Variants in GRK3 observed in about 807,000 individuals in gnomAD.
GRK3 encodes adrenergic, beta, receptor kinase 2.
In GRK3, 54 loss-of-function variants were observed where a neutral mutation model predicts 95.7. The observed-to-expected ratio is 0.56, with a 90% CI of 0.45 to 0.71. The LOEUF is 0.71. Ranked by LOEUF, GRK3 falls within the 30% of genes least tolerant of loss-of-function variation. The pLI, the probability that GRK3 is intolerant of heterozygous loss-of-function variation, is 0.00. For missense variants in GRK3, 649 were observed against 851.2 expected, an observed-to-expected ratio of 0.76 and a Z score of 2.96; for synonymous variants, 281 against 290.8, an observed-to-expected ratio of 0.97 and a Z score of 0.34.
At chr22:25,633,503 G>A (rs1417414246) in intron 2 of GRK3, among the ~76,000 whole-genome samples, 1 of 151,690 alleles carries the variant, frequency 6.6e-6, no homozygotes, top group Non-Finnish European at 1.5e-5. Context: ...GTAGTTTTTA[G>A]CATACAAATC....
At chr22:25,653,970 A>G (rs1601504254) in intron 3 of GRK3, among the ~76,000 whole-genome samples, 1 of 152,324 alleles carries the variant, frequency 6.6e-6, no homozygotes, top group East Asian at 1.9e-4. Flanking sequence ...TACAGGCGTG[A>G]GCCACCGGCG....
intron 6 of GRK3, among the ~76,000 whole-genome samples, chr22:25,670,140 T>C (rs1760524951): frequency 1.3e-5 from 2 of 152,260 alleles, no homozygotes; most frequent in African/African-American, 4.8e-5. Flanking sequence ...ACTATTCCTC[T>C]GCTTTTGATT....
rs1425443629 is a variant in GRK3 at position 25,565,044 on chromosome 22, G to A, written c.4G>A (p.Ala2Thr). 6.7e-7 allele frequency: 1 copy of A among 1,491,920 alleles called. No homozygotes were observed. Among genetic ancestry groups the A allele is most frequent in the Non-Finnish European group, 8.9e-7 (1 of 1,119,058 alleles). The allele number at this position is 1,491,920 out of a possible 1,614,324, so 92.4% of individuals were successfully genotyped here. A position where few individuals can be genotyped will look rare whatever the true frequency, so the allele number is the denominator to read the frequency against. Residue 2 changes from alanine (A) to threonine (T), a missense_variant, in exon 1 of 21, where the codon GCG becomes ACG. Around this residue, in one of 3 missense-constraint regions of GRK3, gnomAD observed 206 missense variants for 231.4 expected, o/e 0.89. Coordinates refer to ENST00000324198, the MANE Select transcript of GRK3 (RefSeq NM_005160.4). Reference protein sequence around the residue: MADLEAVLADVS... With the variant: MTDLEAVLADVS... ...GCCGCCGCCAAAGCTCGCCAACATG[G>A]CGGACCTGGAGGCTGTGCTGGCCGA... is the stretch of plus-strand genomic sequence containing the variant.
At chr22:25,721,732 C>T (rs761196510) in intron 20 of GRK3, among the ~76,000 whole-genome samples, 2 of 152,078 alleles carry the variant, frequency 1.3e-5, no homozygotes, top group South Asian at 2.1e-4. Flanking sequence ...AAATATAAGA[C>T]GGCAAACTGA....
At chr22:25,610,136 C>T (rs377163584) in intron 2 of GRK3, among the ~76,000 whole-genome samples, 17 of 152,110 alleles carry the variant, frequency 1.1e-4, no homozygotes, top group South Asian at 4.2e-4. Context: ...CAGGCGTGAG[C>T]CACCTCACCC....
At chr22:25,702,898 C>A (rs1446928709) in intron 13 of GRK3, 3 of 455,872 alleles carry the variant, frequency 6.6e-6, no homozygotes, top group Non-Finnish European at 1.3e-5. Context: ...ACCAACAAGT[C>A]ACAACTTGAA....
intron 2 of GRK3, among the ~76,000 whole-genome samples, chr22:25,616,968 T>C (rs1291262865): frequency 6.6e-6 from 1 of 152,206 alleles, no homozygotes; most frequent in Non-Finnish European, 1.5e-5. Context: ...AGCTTTGTCC[T>C]GAGGCTGATA....
chr22:25,704,147 G>A lies in GRK3; in HGVS notation c.1266G>A (p.Lys422=). Residue 422 remains lysine, a synonymous_variant, in exon 15 of 21, where the codon AAG becomes AAA. Coordinates refer to ENST00000324198, the MANE Select transcript of GRK3 (RefSeq NM_005160.4). ...ELPDTFSPEL[K]SLLEGLLQRD... ...CAGACACCTTCTCTCCTGAACTGAA[G>A]TCCCTTTTGGAGGGCTTGCTTCAGC... The A allele has an allele frequency of 6.2e-6, 10 of 1,613,750 alleles. No homozygotes were observed. Among genetic ancestry groups the A allele is most frequent in the Non-Finnish European group, 8.5e-6 (10 of 1,179,802 alleles).
In GRK3 at chr22:25,725,532, T is replaced by TTTTGTCA; in HGVS notation, c.*3083_*3084insTTGTCAT. ...CATTGGTTTTCCTTCTTTGTCATAT[T>TTTTGTCA]TAAGTATGATTTTTCAACAAAACTT... On this transcript the variant is annotated 3_prime_UTR_variant, in exon 21 of 21. Coordinates refer to ENST00000324198, the MANE Select transcript of GRK3 (RefSeq NM_005160.4). 2 of 398,636 alleles carry TTTTGTCA rather than the reference T, an allele frequency of 5.0e-6. No individual in the cohort carries two copies. Among genetic ancestry groups the TTTTGTCA allele is most frequent in the East Asian group, 7.1e-5 (2 of 28,080 alleles). 24.7% of individuals were successfully genotyped at this position (398,636 alleles called of 1,614,324 possible).
intron 2 of GRK3, among the ~76,000 whole-genome samples, chr22:25,609,796 G>A (rs1382508843): frequency 1.3e-5 from 2 of 150,554 alleles, no homozygotes; most frequent in African/African-American, 4.9e-5. Context: ...CAATTTGTGT[G>A]AAATAATTTG....
Position 25,667,797 on chromosome 22 carries a change from A to G in GRK3, c.500A>G (p.Glu167Gly), listed in dbSNP as rs768486618. The G allele has an allele frequency of 6.3e-7, 1 of 1,597,004 alleles. No homozygotes were observed. Among genetic ancestry groups the G allele is most frequent in the Non-Finnish European group, 8.6e-7 (1 of 1,164,550 alleles). The change falls in exon 6 of 21, where the codon GAA becomes GGA. Residue 167 changes from glutamate (E) to glycine (G), a missense_variant. Transcript: ENST00000324198. The stretch of plus-strand genomic sequence containing the variant: ...GGTGACATTTTTCAAAAATTTATGG[A>G]AAGGTATGAAACTTTATGCATATAT... ...LRGDIFQKFM[E>G]SDKFTRFCQW... is the part of the protein sequence containing the mutation.
intron 1 of GRK3, among the ~76,000 whole-genome samples, chr22:25,585,083 T>A (rs1932250372): frequency 6.6e-6 from 1 of 152,282 alleles, no homozygotes; most frequent in Admixed American, 6.5e-5. Flanking sequence ...GGGACTGGGT[T>A]TTGCAGCCCA....
chr22:25,720,700 C>A (rs750978587), intron 19 of GRK3, among the ~76,000 whole-genome samples: 2 of 152,052 alleles, frequency 1.3e-5, no homozygotes, highest in African/African-American at 2.4e-5. Context: ...TGGTCTCGAG[C>A]TCTTGACCTC....
intron 2 of GRK3, among the ~76,000 whole-genome samples, chr22:25,626,797 A>G (rs972135042): frequency 6.6e-6 from 1 of 152,240 alleles, no homozygotes; most frequent in Non-Finnish European, 1.5e-5. Context: ...AGATCGGTGC[A>G]CAGTCAGGGC....
intron 2 of GRK3, among the ~76,000 whole-genome samples, chr22:25,606,575 T>C (rs2084450537): frequency 6.6e-6 from 1 of 152,180 alleles, no homozygotes; most frequent in Non-Finnish European, 1.5e-5. Context: ...TGCCCTACTC[T>C]TTCCCTTCTC....
intron 1 of GRK3, among the ~76,000 whole-genome samples, chr22:25,601,646 G>A (rs1015044260): frequency 5.9e-5 from 9 of 152,158 alleles, no homozygotes; most frequent in African/African-American, 1.9e-4. Flanking sequence ...ACAGATCAAT[G>A]CAACAGGATG....
At position 25,687,964 on chromosome 22, in the gene GRK3, C is replaced by T. The variant is rs540736701; in HGVS notation, c.957+297C>T. On this transcript the variant is annotated intron_variant, in intron 11 of 20. Transcript: ENST00000324198. ...AATGAAAAGCAATTTAGGCCAGGTGCGGTGGCTCATGCCTGTAATCCCAGC... is the reference window on the plus strand; with the variant it reads ...AATGAAAAGCAATTTAGGCCAGGTGTGGTGGCTCATGCCTGTAATCCCAGC... Among the ~76,000 whole-genome samples the T allele has an allele frequency of 7.1e-4, 108 of 152,274 alleles. 1 individual carries two copies. Among genetic ancestry groups the T allele is most frequent in the South Asian group, 5.2e-3 (25 of 4,818 alleles).
rs1244432693 is a variant in GRK3 at position 25,725,541 on chromosome 22, A to G, written c.*3091A>G. 7.5e-6 allele frequency: 3 copies of G among 398,352 alleles called. No homozygotes were observed. The highest frequency in any genetic ancestry group is 1.3e-5 in the Non-Finnish European group (3 of 226,058). 24.7% of individuals were successfully genotyped at this position (398,352 alleles called of 1,614,324 possible). A position where few individuals can be genotyped will look rare whatever the true frequency, so the allele number is the denominator to read the frequency against. The stretch of plus-strand genomic sequence containing the variant: ...TCCTTCTTTGTCATATTTAAGTATG[A>G]TTTTTCAACAAAACTTCTAGAAGTC... On this transcript the variant is annotated 3_prime_UTR_variant, in exon 21 of 21. Transcript: ENST00000324198.
At chr22:25,674,957 A>T (rs974108512) in intron 8 of GRK3, among the ~76,000 whole-genome samples, 16 of 152,164 alleles carry the variant, frequency 1.1e-4, no homozygotes, top group African/African-American at 3.6e-4. Context: ...GGAAAAAAAA[A>T]AAGCTGTATT....
Sources: allele counts gnomAD v4.1 joint callset (sites outside exome capture counted in the v4.1 genomes callset), GRCh38; gene constraint gnomAD v4.1.1; regional missense constraint gnomAD v4.1.1; transcripts MANE v1.5; gene names NCBI Gene and HGNC (gene_info 2026-07-23, HGNC 2026-07-21).